The following KLF7 variants were observed in gnomAD, a reference collection of about 807,000 sequenced individuals.
KLF7 encodes the protein KLF transcription factor 7, also known as Krueppel-like factor 7.
A neutral mutation model predicts 27.3 loss-of-function variants in KLF7; 2 were observed. The ratio of observed to expected loss-of-function variants is 0.07; its 90% CI spans 0.03 to 0.23. The LOEUF is 0.23. Among genes scored for constraint, KLF7 ranks in the 10% least tolerant of loss-of-function variants. The pLI is 1.00. For synonymous variants in KLF7, 165 were observed against 162.4 expected, an observed-to-expected ratio of 1.02 and a Z score of -0.12; for missense variants, 221 against 394.1, an observed-to-expected ratio of 0.56 and a Z score of 3.72.
intron 1 of KLF7, among the ~76,000 whole-genome samples, chr2:207,157,625 G>T (rs968248425): frequency 6.6e-6 from 1 of 152,182 alleles, no homozygotes; most frequent in African/African-American, 2.4e-5. Flanking sequence ...TTTGAAAGCA[G>T]GCCACCTGGG....
intron 1 of KLF7, among the ~76,000 whole-genome samples, chr2:207,164,682 G>T (rs1380659282): frequency 6.6e-6 from 1 of 152,144 alleles, no homozygotes; most frequent in African/African-American, 2.4e-5. Context: ...TTCTTAACTA[G>T]TCCTCTAAGA....
chr2:207,145,835 AG>A (rs1245389560), intron 1 of KLF7, among the ~76,000 whole-genome samples: 1 of 152,220 alleles, frequency 6.6e-6, no homozygotes, highest in African/African-American at 2.4e-5. Flanking sequence ...GGCACACAGA[AG>A]GACCCCAGGA....
At chr2:207,149,976 G>A (rs921788327) in intron 1 of KLF7, among the ~76,000 whole-genome samples, 14 of 152,142 alleles carry the variant, frequency 9.2e-5, no homozygotes, top group African/African-American at 2.9e-4. Context: ...ACATGTGACA[G>A]TGTATTGTTA....
chr2:207,166,122 C>A (rs1007556032), upstream of KLF7: 15 of 983,966 alleles, frequency 1.5e-5, no homozygotes, highest in Non-Finnish European at 1.7e-5. Flanking sequence ...CCCAAACTCC[C>A]TCCCTCCGTT....
At chr2:207,163,696 G>A (rs1235497341) in intron 1 of KLF7, among the ~76,000 whole-genome samples, 2 of 152,242 alleles carry the variant, frequency 1.3e-5, no homozygotes, top group Non-Finnish European at 2.9e-5. Context: ...CTGCTTAACA[G>A]TTAGTCACAA....
chr2:207,134,313 C>G (rs2077723403), intron 1 of KLF7, among the ~76,000 whole-genome samples: 1 of 152,022 alleles, frequency 6.6e-6, no homozygotes, highest in African/African-American at 2.4e-5. Flanking sequence ...CAAAGCACAG[C>G]TGCACACGTG....
intron 1 of KLF7, among the ~76,000 whole-genome samples, chr2:207,140,096 C>A (rs2077899294): frequency 6.6e-6 from 1 of 152,092 alleles, no homozygotes; most frequent in South Asian, 2.1e-4. Context: ...ACCATGTTGG[C>A]CAAGATGGTC....
chr2:207,085,164 GAAAAAAAAAA>G (rs1015691241), intron 3 of KLF7, among the ~76,000 whole-genome samples: 9 of 22,986 alleles, frequency 3.9e-4, no homozygotes, highest in African/African-American at 1.0e-3. Context: ...TGTCTCAAAT[GAAAAAAAAAA>G]AAAAAAAAAA....
At chr2:207,133,074 T>C (rs1352368372) in intron 1 of KLF7, among the ~76,000 whole-genome samples, 1 of 152,210 alleles carries the variant, frequency 6.6e-6, no homozygotes, top group Non-Finnish European at 1.5e-5. Context: ...AGCTTCTGAA[T>C]AGTCAAGAGA....
At chr2:207,152,493 T>C (rs975784766) in intron 1 of KLF7, among the ~76,000 whole-genome samples, 2 of 152,096 alleles carry the variant, frequency 1.3e-5, no homozygotes, top group Non-Finnish European at 2.9e-5. Context: ...AGTTTCCAAA[T>C]TGGAAAATGT....
chr2:207,087,837 T>G (rs954431697), intron 3 of KLF7, among the ~76,000 whole-genome samples: 8 of 152,224 alleles, frequency 5.3e-5, no homozygotes, highest in African/African-American at 1.9e-4. Flanking sequence ...GTGCTCTTTC[T>G]TCTACTATTG....
chr2:207,166,169 G>C, upstream of KLF7: 2 of 985,830 alleles, frequency 2.0e-6, no homozygotes, highest in Non-Finnish European at 2.4e-6. Context: ...CGAGGAGGGC[G>C]TCCATTAGGC....
chr2:207,078,779 AG>A lies in KLF7; in HGVS notation c.*2433del, dbSNP rs2076218442. On this transcript the variant is annotated 3_prime_UTR_variant, in exon 4 of 4. Transcript: ENST00000309446. ...AAGGTCCCTCACACATCCTTCATCCAGGAAGGATGCACCACACATTCAAATA... is the reference window on the plus strand; with the variant it reads ...AAGGTCCCTCACACATCCTTCATCCAGAAGGATGCACCACACATTCAAATA... 6.6e-6 allele frequency: 1 copy of A among 152,320 alleles called. No homozygotes were observed. The highest frequency in any genetic ancestry group is 1.5e-5 in the Non-Finnish European group (1 of 68,016). The allele number at this position is 152,320 out of a possible 1,614,324, so 9.4% of individuals were successfully genotyped here. A position where few individuals can be genotyped will look rare whatever the true frequency, so the allele number is the denominator to read the frequency against.
upstream of KLF7, chr2:207,166,946 C>CGCCGCT (rs1230739638): frequency 3.4e-6 from 3 of 891,700 alleles, no homozygotes; most frequent in Non-Finnish European, 4.3e-6. Flanking sequence ...CGGGCGCCGC[C>CGCCGCT]GCCGCCGCCC....
At chr2:207,162,113 G>A (rs1170412051) in intron 1 of KLF7, among the ~76,000 whole-genome samples, 1 of 152,034 alleles carries the variant, frequency 6.6e-6, no homozygotes, top group African/African-American at 2.4e-5. Flanking sequence ...GTATATTCAA[G>A]AAGAAAATAA....
chr2:207,120,182 A>G (rs936043554), intron 2 of KLF7, among the ~76,000 whole-genome samples: 3 of 152,196 alleles, frequency 2.0e-5, no homozygotes, highest in African/African-American at 7.2e-5. Flanking sequence ...AAAAAATAAT[A>G]AATAAAAAAT....
At chr2:207,084,294 G>A (rs1409077566) in intron 3 of KLF7, among the ~76,000 whole-genome samples, 4 of 152,038 alleles carry the variant, frequency 2.6e-5, no homozygotes, top group South Asian at 2.1e-4. Context: ...GGGAACTCTC[G>A]GGAAATGAGT....
At chr2:207,140,071 T>C (rs1178416383) in intron 1 of KLF7, among the ~76,000 whole-genome samples, 1 of 152,120 alleles carries the variant, frequency 6.6e-6, no homozygotes, top group African/African-American at 2.4e-5. Context: ...GTATTTTTAG[T>C]AGAGATGGGG....
intron 1 of KLF7, among the ~76,000 whole-genome samples, chr2:207,160,716 T>C (rs1194186493): frequency 2.0e-5 from 3 of 152,220 alleles, no homozygotes; most frequent in African/African-American, 2.4e-5. Context: ...AGAATGGCTA[T>C]TAAAGGCCCC....
Sources: allele counts gnomAD v4.1 joint callset (sites outside exome capture counted in the v4.1 genomes callset), GRCh38; gene constraint gnomAD v4.1.1; transcripts MANE v1.5; gene names NCBI Gene and HGNC (gene_info 2026-07-23, HGNC 2026-07-21).